Variants in TBC1D5 observed in about 807,000 individuals in gnomAD.
TBC1D5 encodes the protein TBC1 domain family member 5, also known as TBC1 domain family, member 5.
TBC1D5 carries 75 observed loss-of-function variants against 100.3 expected under a neutral mutation model. The observed-to-expected ratio is 0.75, with a 90% CI of 0.62 to 0.91. The LOEUF (loss-of-function observed/expected upper bound fraction) is 0.91. Among genes scored for constraint, TBC1D5 ranks in the 40% least tolerant of loss-of-function variants. The pLI, the probability that TBC1D5 is intolerant of heterozygous loss-of-function variation, is 0.00. For missense variants in TBC1D5, 910 were observed against 942.4 expected (o/e 0.97, Z 0.45); for synonymous variants, 323 against 325.6 (o/e 0.99, Z 0.09).
chr3:17,632,555 G>A (rs1478889179), intron 1 of TBC1D5, among the ~76,000 whole-genome samples: 1 of 152,174 alleles, frequency 6.6e-6, no homozygotes, highest in Non-Finnish European at 1.5e-5. Flanking sequence ...AACCTTTCAT[G>A]AAAGGAAGAG....
At chr3:17,520,843 C>A (rs1032712145) in intron 2 of TBC1D5, among the ~76,000 whole-genome samples, 3 of 152,048 alleles carry the variant, frequency 2.0e-5, no homozygotes, top group Non-Finnish European at 4.4e-5. Flanking sequence ...GACAACCCTA[C>A]CAGTAGACAG....
chr3:17,508,768 G>A (rs1238200761), intron 2 of TBC1D5, among the ~76,000 whole-genome samples, 163 bp from the exon 3 acceptor site: 1 of 151,948 alleles, frequency 6.6e-6, no homozygotes, highest in African/African-American at 2.4e-5. Flanking sequence ...TGCAAAGAAG[G>A]GAAAAAGGTA....
chr3:17,617,448 C>T (rs2062269924), intron 2 of TBC1D5, among the ~76,000 whole-genome samples: 1 of 152,162 alleles, frequency 6.6e-6, no homozygotes, highest in South Asian at 2.1e-4. Flanking sequence ...GCCTGCCTTG[C>T]TAGGTTGGGG....
intron 19 of TBC1D5, among the ~76,000 whole-genome samples, chr3:17,180,530 G>A (rs765259622): frequency 1.3e-5 from 2 of 152,124 alleles, no homozygotes; most frequent in African/African-American, 2.4e-5. Flanking sequence ...CTAAGTGTCC[G>A]GCATTGGATG....
At chr3:17,185,244 G>T in intron 18 of TBC1D5, 36 bp from the exon 20 acceptor site, 1 of 1,566,546 alleles carries the variant, frequency 6.4e-7, no homozygotes, top group South Asian at 1.1e-5. Context: ...AAATTTTTTA[G>T]AGATTGTCAA....
intron 2 of TBC1D5, among the ~76,000 whole-genome samples, chr3:17,591,251 AAAAAAAAAAAAAAAACAAAAAC>A (rs1312370300): frequency 7.1e-6 from 1 of 139,992 alleles, no homozygotes; most frequent in Non-Finnish European, 1.5e-5. Context: ...AAAAAAAAAA[AAAAAAAAAAAAAAAACAAAAAC>A]CCCAGAGAAT....
At chr3:17,248,588 G>A (rs775985637) in intron 16 of TBC1D5, among the ~76,000 whole-genome samples, 1 of 152,190 alleles carries the variant, frequency 6.6e-6, no homozygotes, top group African/African-American at 2.4e-5. Context: ...AACAGATATT[G>A]TATTAGCAGG....
intron 17 of TBC1D5, among the ~76,000 whole-genome samples, chr3:17,236,939 A>G (rs1449212326): frequency 1.3e-5 from 2 of 152,216 alleles, no homozygotes; most frequent in African/African-American, 4.8e-5. Context: ...ATGTGTGTGT[A>G]CACACACTCA....
At chr3:17,591,233 CAAAAAAAAAAAAAAAAAAAA>C (rs60889092) in intron 2 of TBC1D5, among the ~76,000 whole-genome samples, 3 of 18,666 alleles carry the variant, frequency 1.6e-4, no homozygotes, top group African/African-American at 3.5e-4. Flanking sequence ...AAGGATCTGT[CAAAAAAAAAAAAAAAAAAAA>C]AAAAAAAAAA....
chr3:17,705,958 CG>C lies in TBC1D5; in HGVS notation c.-101+33384del. 1.5e-6 allele frequency: 2 copies of C among 1,332,700 alleles called. 1 individual carries two copies. The highest frequency in any genetic ancestry group is 3.0e-5 in the South Asian group (2 of 67,458). The allele number at this position is 1,332,700 out of a possible 1,614,324, so 82.6% of individuals were successfully genotyped here. A position where few individuals can be genotyped will look rare whatever the true frequency, so the allele number is the denominator to read the frequency against. ...GCTCCTCCAGCCGCTGCCTCCCGGG[CG>C]GCGCTCCTCAGCATTTCTTTACTCT... On this transcript the variant is annotated intron_variant, in intron 1 of 21. Transcript: ENST00000253692.
Position 17,406,883 on chromosome 3 carries a change from T to C in TBC1D5, c.168-357A>G, listed in dbSNP as rs1452808643. On this transcript the variant is annotated intron_variant, in intron 4 of 21. Transcript: ENST00000253692. The stretch of plus-strand genomic sequence containing the variant: ...CAAAAACATACCTGCTCCAAAAATA[T>C]GCAACAAAGAAGTGTAATGTTGATT... Among the ~76,000 whole-genome samples, 7 of 152,018 alleles carry C rather than the reference T, an allele frequency of 4.6e-5. No individual in the cohort carries two copies. The East Asian group carries it at 5.8e-4, about 13-fold the overall frequency.
intron 8 of TBC1D5, among the ~76,000 whole-genome samples, chr3:17,391,856 A>G (rs2093360828): frequency 6.6e-6 from 1 of 152,156 alleles, no homozygotes; most frequent in Non-Finnish European, 1.5e-5. Context: ...TGAGTGATCT[A>G]GCTAAGGAGA....
At chr3:17,370,057 G>A (rs909706977) in intron 13 of TBC1D5, among the ~76,000 whole-genome samples, 2 of 152,018 alleles carry the variant, frequency 1.3e-5, no homozygotes, top group Non-Finnish European at 2.9e-5. Flanking sequence ...GGAAGGTACT[G>A]GTCAAAATGC....
intron 2 of TBC1D5, among the ~76,000 whole-genome samples, chr3:17,516,921 G>A (rs934602177): frequency 2.6e-5 from 4 of 151,976 alleles, no homozygotes; most frequent in Non-Finnish European, 5.9e-5. Context: ...AAAAAATACA[G>A]CTCATTGTCT....
intron 8 of TBC1D5, among the ~76,000 whole-genome samples, chr3:17,398,823 C>T (rs2093574339): frequency 6.6e-6 from 1 of 151,930 alleles, no homozygotes; most frequent in South Asian, 2.1e-4. Context: ...GCCTGGTACA[C>T]TAAGGAGATC....
chr3:17,399,472 C>A (rs1157824811), intron 8 of TBC1D5, among the ~76,000 whole-genome samples: 2 of 152,166 alleles, frequency 1.3e-5, no homozygotes, highest in African/African-American at 4.8e-5. Flanking sequence ...AAATACATAT[C>A]CCCAACCCAT....
chr3:17,463,700 A>T (rs1000814005), intron 3 of TBC1D5, among the ~76,000 whole-genome samples: 3 of 152,212 alleles, frequency 2.0e-5, no homozygotes, highest in African/African-American at 7.2e-5. Flanking sequence ...TTGGAGCCCA[A>T]GGCTAAAGAA....
At chr3:17,345,987 T>C (rs6785870) in intron 13 of TBC1D5, among the ~76,000 whole-genome samples, 61,731 of 150,108 alleles carry the variant, frequency 0.41, 13,109 homozygotes, top group Middle Eastern at 0.48. Context: ...AGTTAATGGG[T>C]GCAGCACACC....
chr3:17,692,761 C>T (rs915027828), intron 1 of TBC1D5, among the ~76,000 whole-genome samples: 5 of 152,180 alleles, frequency 3.3e-5, no homozygotes, highest in African/African-American at 1.2e-4. Flanking sequence ...AGTTTGCAGA[C>T]CAGCACTGAT....
Sources: allele counts gnomAD v4.1 joint callset (sites outside exome capture counted in the v4.1 genomes callset), GRCh38; gene constraint gnomAD v4.1.1; transcripts MANE v1.5; gene names NCBI Gene and HGNC (gene_info 2026-07-23, HGNC 2026-07-21).